C8orf34: variants seen among roughly 807,000 people sequenced by gnomAD.
C8orf34 encodes the protein uncharacterized protein C8orf34.
In C8orf34, 65 loss-of-function variants were observed where a neutral mutation model predicts 68.3. That is an observed-to-expected ratio of 0.95 (90% CI 0.78 to 1.17). The LOEUF is 1.17. Ranked by LOEUF, C8orf34 falls within the 50% of genes most tolerant of loss-of-function variation. C8orf34 has a pLI of 0.00. For missense variants in C8orf34, 664 were observed against 655.4 expected (o/e 1.01, Z -0.14); for synonymous variants, 244 against 241.2 (o/e 1.01, Z -0.11).
intron 5 of C8orf34, among the ~76,000 whole-genome samples, chr8:68,517,197 G>T (rs1186661670): frequency 6.6e-6 from 1 of 152,068 alleles, no homozygotes; most frequent in African/African-American, 2.4e-5. Flanking sequence ...GTTTAGAACT[G>T]CTGTCTTCAC....
At chr8:68,498,487 T>C (rs1009569982) in intron 5 of C8orf34, among the ~76,000 whole-genome samples, 9 of 152,198 alleles carry the variant, frequency 5.9e-5, no homozygotes, top group Admixed American at 6.5e-5. Flanking sequence ...GATTTGATTG[T>C]CTCTAGTGGG....
chr8:68,379,113 CTTATA>C (rs1239591642), intron 1 of C8orf34, among the ~76,000 whole-genome samples: 1 of 152,120 alleles, frequency 6.6e-6, no homozygotes, highest in Non-Finnish European at 1.5e-5. Flanking sequence ...ATGCACATTA[CTTATA>C]TTAATAAACT....
chr8:68,702,770 A>G (rs551355418), intron 8 of C8orf34, among the ~76,000 whole-genome samples: 2 of 152,160 alleles, frequency 1.3e-5, no homozygotes, highest in Non-Finnish European at 2.9e-5. Flanking sequence ...AGGGAATTAT[A>G]TCACCTTATT....
intron 1 of C8orf34, among the ~76,000 whole-genome samples, chr8:68,347,140 T>G (rs1806316813): frequency 1.3e-5 from 2 of 151,164 alleles, no homozygotes; most frequent in Admixed American, 6.6e-5. Flanking sequence ...TAGACCCCAG[T>G]GTTTGTTGTT....
intron 1 of C8orf34, among the ~76,000 whole-genome samples, chr8:68,354,080 C>T (rs544150150): frequency 1.2e-3 from 180 of 151,980 alleles, no homozygotes; most frequent in African/African-American, 4.1e-3. Flanking sequence ...TTTACTCATA[C>T]GTAAGGAGAG....
rs1319215129 is a variant in C8orf34 at position 68,640,438 on chromosome 8, A to G, written c.1168A>G (p.Asn390Asp). The change falls in exon 8 of 14, where the codon AAC becomes GAC. Residue 390 changes from asparagine (N) to aspartate (D), a missense_variant. Transcript: ENST00000518698. ...CCTGGTACCTTCTGGGAGCAAATTT[A>G]ACCAAGGCCGTCCTACTTACCCTGC... ...TTLVPSGSKF[N>D]QGRPTYPAEP... is the part of the protein sequence containing the mutation. 1 of 1,613,958 alleles carries G rather than the reference A, an allele frequency of 6.2e-7. No individual in the cohort carries two copies. The highest frequency in any genetic ancestry group is 8.5e-7 in the Non-Finnish European group (1 of 1,179,900).
At chr8:68,591,054 T>A (rs1366064027) in intron 7 of C8orf34, among the ~76,000 whole-genome samples, 1 of 152,164 alleles carries the variant, frequency 6.6e-6, no homozygotes, top group Non-Finnish European at 1.5e-5. Context: ...TTTGAGGCCC[T>A]TCCTCTATTG....
chr8:68,703,747 G>T (rs1455310808), intron 8 of C8orf34, among the ~76,000 whole-genome samples: 1 of 151,984 alleles, frequency 6.6e-6, no homozygotes, highest in Non-Finnish European at 1.5e-5. Context: ...CCTGTCCAGG[G>T]TTGGCTCAAT....
intron 9 of C8orf34, among the ~76,000 whole-genome samples, chr8:68,718,833 C>T (rs910047512): frequency 1.1e-4 from 16 of 152,164 alleles, no homozygotes; most frequent in Admixed American, 7.2e-4. Context: ...TCTAGTCCTA[C>T]TCCTGCCACA....
intron 5 of C8orf34, among the ~76,000 whole-genome samples, chr8:68,512,050 G>A (rs1302383747): frequency 6.6e-6 from 1 of 152,060 alleles, no homozygotes; most frequent in Non-Finnish European, 1.5e-5. Context: ...CTGTATTTGG[G>A]AGCACCTGTT....
At chr8:68,466,120 G>T (rs1009741309) in intron 3 of C8orf34, among the ~76,000 whole-genome samples, 1 of 151,394 alleles carries the variant, frequency 6.6e-6, no homozygotes, top group African/African-American at 2.4e-5. Flanking sequence ...AAATAAGCCA[G>T]GCACAAAAAG....
chr8:68,348,348 C>T (rs1196979400), intron 1 of C8orf34, among the ~76,000 whole-genome samples: 1 of 152,082 alleles, frequency 6.6e-6, no homozygotes, highest in Non-Finnish European at 1.5e-5. Flanking sequence ...CAGTATCATG[C>T]TGTTTTGGTT....
At chr8:68,385,191 C>T (rs117517631) in intron 1 of C8orf34, among the ~76,000 whole-genome samples, 4,951 of 152,216 alleles carry the variant, frequency 0.033, 132 homozygotes, top group Middle Eastern at 0.11. Context: ...ATCCTTACCT[C>T]AACCTTATGT....
At position 68,369,182 on chromosome 8, in the gene C8orf34, C is replaced by T. The variant is rs560726385; in HGVS notation, c.327+37843C>T. 2.0e-4 allele frequency among the ~76,000 whole-genome samples: 31 copies of T among 152,314 alleles called. No homozygotes were observed. In the South Asian group the frequency reaches 6.4e-3, roughly 32 times the overall value. On this transcript the variant is annotated intron_variant, in intron 1 of 13. Coordinates refer to ENST00000518698, the MANE Select transcript of C8orf34 (RefSeq NM_052958.4). The stretch of plus-strand genomic sequence containing the variant: ...GTGCTTCCACATCACTATTCCTAGA[C>T]ATCCTTGAAACCAATCTTCCAGTTC...
intron 10 of C8orf34, among the ~76,000 whole-genome samples, chr8:68,762,480 T>C (rs67673719): frequency 0.3 from 45,738 of 152,106 alleles, 7,588 homozygotes; most frequent in African/African-American, 0.44. Context: ...AATTACACTA[T>C]ACATGTTACA....
chr8:68,642,350 T>C (rs1026281960), intron 8 of C8orf34, among the ~76,000 whole-genome samples: 4 of 152,220 alleles, frequency 2.6e-5, no homozygotes, highest in African/African-American at 9.6e-5. Flanking sequence ...GTAAACAGTA[T>C]GGAAGAAGAT....
chr8:68,556,362 A>C (rs1429772417), intron 7 of C8orf34, among the ~76,000 whole-genome samples: 1 of 150,838 alleles, frequency 6.6e-6, no homozygotes, highest in Non-Finnish European at 1.5e-5. Context: ...CATTTTAAAC[A>C]AGAAGAAGAT....
intron 1 of C8orf34, among the ~76,000 whole-genome samples, chr8:68,392,557 TA>T (rs1808520259): frequency 6.6e-6 from 1 of 152,060 alleles, no homozygotes; most frequent in Non-Finnish European, 1.5e-5. Context: ...ATTTTTTTCT[TA>T]AAGTTTTTGT....
At chr8:68,625,788 T>G (rs1476490523) in intron 7 of C8orf34, 2 of 481,362 alleles carry the variant, frequency 4.2e-6, no homozygotes, top group Non-Finnish European at 7.4e-6. Context: ...TCTCCAAATT[T>G]GATTCTTTTT....
Sources: gnomAD v4.1 joint callset for allele counts (sites outside exome capture counted in the v4.1 genomes callset) on GRCh38, gnomAD v4.1.1 for gene constraint, MANE v1.5 for transcripts, NCBI Gene and HGNC (gene_info 2026-07-23, HGNC 2026-07-21) for gene names.